Variants in FIGNL2 observed in about 807,000 individuals in gnomAD.
FIGNL2 encodes fidgetin-like protein 2.
For synonymous variants in FIGNL2, 565 were observed against 484.0 expected (o/e 1.17, Z -2.20); for missense variants, 1,060 against 950.2 (o/e 1.12, Z -1.52).
rs1565941259 is a variant in FIGNL2 at position 51,820,890 on chromosome 12, G to GC, written c.1523dup (p.Ala509ArgfsTer19). 2 of 1,343,988 alleles carry GC rather than the reference G, an allele frequency of 1.5e-6. No homozygotes were observed. Among genetic ancestry groups the GC allele is most frequent in the Non-Finnish European group, 1.9e-6 (2 of 1,056,120 alleles). 83.3% of individuals were successfully genotyped at this position (1,343,988 alleles called of 1,614,324 possible). ...AGGCCAGGAGCGGCACCTGCAGCGC[G>GC]CCCCCTGCCGCCGCGCCGTCGTCCC... On this transcript the variant is annotated frameshift_variant, in exon 2 of 2. Coordinates refer to ENST00000618634, the MANE Select transcript of FIGNL2 (RefSeq NM_001384995.1). LOFTEE classifies it low-confidence loss of function (END_TRUNC).
intron 1 of FIGNL2, among the ~76,000 whole-genome samples, chr12:51,840,997 C>A (rs920294184): frequency 6.6e-6 from 1 of 152,246 alleles, no homozygotes; most frequent in Admixed American, 6.5e-5. Flanking sequence ...GGGAGAGAGA[C>A]ATGCCCCCAC....
intron 1 of FIGNL2, chr12:51,837,900 A>G (rs1939604436): frequency 6.6e-6 from 1 of 152,156 alleles, no homozygotes; most frequent in Non-Finnish European, 1.5e-5. Context: ...GCTGCCTGCA[A>G]TTTCACCAAG....
At position 51,841,286 on chromosome 12, in the gene FIGNL2, C is replaced by G. The variant is rs936055772; in HGVS notation, c.-12+7254G>C. The G allele has an allele frequency of 9.8e-5, 15 of 152,366 alleles. 1 individual carries two copies. The highest frequency in any genetic ancestry group is 9.2e-4 in the Admixed American group (14 of 15,288). 9.4% of individuals were successfully genotyped at this position (152,366 alleles called of 1,614,324 possible). A position where few individuals can be genotyped will look rare whatever the true frequency, so the allele number is the denominator to read the frequency against. ...ACTGAGCAACCACAGCAGCTCCTGT[C>G]TGCCTGCTCCCATATGGGATTCTCA... On this transcript the variant is annotated intron_variant, in intron 1 of 1. Coordinates refer to ENST00000618634, the MANE Select transcript of FIGNL2 (RefSeq NM_001384995.1).
intron 1 of FIGNL2, among the ~76,000 whole-genome samples, chr12:51,835,668 C>T (rs1939567727): frequency 6.6e-6 from 1 of 152,172 alleles, no homozygotes; most frequent in Admixed American, 6.5e-5. Flanking sequence ...TGGAAGTGGC[C>T]ACTGTAGTAG....
intron 1 of FIGNL2, chr12:51,845,698 C>T (rs2139004355): frequency 4.1e-6 from 4 of 984,444 alleles, no homozygotes; most frequent in Non-Finnish European, 4.8e-6. Flanking sequence ...CTGTCTCTTG[C>T]CCTCCCTGGC....
intron 1 of FIGNL2, among the ~76,000 whole-genome samples, chr12:51,840,444 TA>T (rs1403955854): frequency 1.3e-5 from 2 of 152,292 alleles, no homozygotes; most frequent in East Asian, 3.9e-4. Flanking sequence ...CAAAGGGAAT[TA>T]ATAACATTGG....
chr12:51,839,871 C>T (rs1939633157), intron 1 of FIGNL2, among the ~76,000 whole-genome samples: 2 of 152,226 alleles, frequency 1.3e-5, no homozygotes, highest in African/African-American at 2.4e-5. Context: ...TGACCTGCTC[C>T]TTCCCAAAGT....
At chr12:51,834,826 C>T (rs1244770006) in intron 1 of FIGNL2, among the ~76,000 whole-genome samples, 1 of 152,226 alleles carries the variant, frequency 6.6e-6, no homozygotes, top group Non-Finnish European at 1.5e-5. Context: ...TCCCTTTCAC[C>T]CAGCCTTCTA....
intron 1 of FIGNL2, among the ~76,000 whole-genome samples, chr12:51,835,897 C>A (rs1939572015): frequency 6.6e-6 from 1 of 151,926 alleles, no homozygotes; most frequent in South Asian, 2.1e-4. Context: ...ACCTCCACCT[C>A]CTGGGTTCAA....
chr12:51,834,668 C>T (rs1939550888), intron 1 of FIGNL2, among the ~76,000 whole-genome samples: 1 of 152,220 alleles, frequency 6.6e-6, no homozygotes, highest in Non-Finnish European at 1.5e-5. Context: ...CCCATCTGGG[C>T]TCTGTGTACG....
chr12:51,826,171 G>GC (rs55797450), intron 1 of FIGNL2, among the ~76,000 whole-genome samples: 6 of 151,964 alleles, frequency 3.9e-5, no homozygotes, highest in African/African-American at 7.2e-5. Context: ...TGCTGGGCCC[G>GC]CCCCCCCCAC....
At chr12:51,840,361 C>A (rs1461623934) in intron 1 of FIGNL2, among the ~76,000 whole-genome samples, 1 of 152,236 alleles carries the variant, frequency 6.6e-6, no homozygotes, top group Non-Finnish European at 1.5e-5. Context: ...AGGCCCCTTT[C>A]GCAGTCTGGA....
At chr12:51,844,951 G>C in intron 1 of FIGNL2, 1 of 841,646 alleles carries the variant, frequency 1.2e-6, no homozygotes, top group Non-Finnish European at 1.4e-6. Flanking sequence ...CAGGCTGCAG[G>C]CATGACTCTG....
chr12:51,837,115 C>T lies in FIGNL2; in HGVS notation c.-12+11425G>A, dbSNP rs58217332. The stretch of plus-strand genomic sequence containing the variant: ...GGGTGGGGGCCTGTGGGGAGCTCTC[C>T]TCCCGTCTGCCTCTCAGGGGGAAGC... On this transcript the variant is annotated intron_variant, in intron 1 of 1. Coordinates refer to ENST00000618634, the MANE Select transcript of FIGNL2 (RefSeq NM_001384995.1). Among the ~76,000 whole-genome samples the T allele has an allele frequency of 2.0e-4, 30 of 152,240 alleles. 1 individual carries two copies. The East Asian group carries it at 5.4e-3, about 27-fold the overall frequency.
chr12:51,820,417 G>T lies in FIGNL2; in HGVS notation c.*35C>A. On this transcript the variant is annotated 3_prime_UTR_variant, in exon 2 of 2. Coordinates refer to ENST00000618634, the MANE Select transcript of FIGNL2 (RefSeq NM_001384995.1). ...CCCACGCGGAGGCGGCGGGGACGGA[G>T]GGACTGCGGCTCCCGCGGCCTCCCC... The T allele has an allele frequency of 6.4e-7, 1 of 1,565,548 alleles. No individual in the cohort carries two copies. Among genetic ancestry groups the T allele is most frequent in the South Asian group, 1.2e-5 (1 of 86,162 alleles).
In FIGNL2 at chr12:51,820,308, T is replaced by A. The variant is rs1431736699; in HGVS notation, c.*144A>T. 7 of 1,083,000 alleles carry A rather than the reference T, an allele frequency of 6.5e-6. No homozygotes were observed. Among genetic ancestry groups the A allele is most frequent in the Admixed American group, 3.1e-5 (1 of 32,270 alleles). 67.1% of individuals were successfully genotyped at this position (1,083,000 alleles called of 1,614,324 possible). A position where few individuals can be genotyped will look rare whatever the true frequency, so the allele number is the denominator to read the frequency against. ...ATTTTCCTTCCCACGAAAAAAAAAA[T>A]ATCCACCGGCAGACCCCTCCTGTCC... On this transcript the variant is annotated 3_prime_UTR_variant, in exon 2 of 2. Coordinates refer to ENST00000618634, the MANE Select transcript of FIGNL2 (RefSeq NM_001384995.1).
In FIGNL2 at chr12:51,821,437, C is replaced by G. The variant is rs982896026; in HGVS notation, c.977G>C (p.Gly326Ala). ...GCCCAGGACCTTGAGGGGGACGCCG[C>G]CACCGTACTTGCCCGACGCCTCCTC... Reference protein sequence around the residue: ...AAEEASGKYGGGVPLKVLGSP... With the variant: ...AAEEASGKYGAGVPLKVLGSP... Residue 326 changes from glycine to alanine, a missense_variant, in exon 2 of 2, where the codon GGC becomes GCC. Transcript: ENST00000618634. The G allele has an allele frequency of 1.3e-6, 2 of 1,539,140 alleles. No individual in the cohort carries two copies. Among genetic ancestry groups the G allele is most frequent in the African/African-American group, 2.8e-5 (2 of 71,380 alleles).
At position 51,820,113 on chromosome 12, in the gene FIGNL2, T is replaced by C; in HGVS notation, c.*339A>G. 3 of 321,002 alleles carry C rather than the reference T, an allele frequency of 9.3e-6. No individual in the cohort carries two copies. Among genetic ancestry groups the C allele is most frequent in the African/African-American group, 2.3e-5 (1 of 44,216 alleles). 19.9% of individuals were successfully genotyped at this position (321,002 alleles called of 1,614,324 possible). On this transcript the variant is annotated 3_prime_UTR_variant, in exon 2 of 2. Transcript: ENST00000618634. ...AGGGAGAAGGAGGGTGCCATTCAGA[T>C]AGCGAGGAGACAAAAGCGTTGTGGC...
At chr12:51,841,702 C>CTAGG (rs1378733232) in intron 1 of FIGNL2, 2 of 152,262 alleles carry the variant, frequency 1.3e-5, no homozygotes, top group Admixed American at 1.3e-4. Context: ...GGCCTCAAGG[C>CTAGG]TAGGACACAG....
Sources: allele counts gnomAD v4.1 joint callset (sites outside exome capture counted in the v4.1 genomes callset), GRCh38; gene constraint gnomAD v4.1.1; transcripts MANE v1.5; gene names NCBI Gene and HGNC (gene_info 2026-07-23, HGNC 2026-07-21).